The following AKAP13 variants were observed in gnomAD, a reference collection of about 807,000 sequenced individuals.
The protein encoded by AKAP13 is A-kinase anchor protein 13.
AKAP13 carries 80 observed loss-of-function variants against 264.5 expected under a neutral mutation model. That is an observed-to-expected ratio of 0.30 (90% CI 0.25 to 0.36). AKAP13 has a LOEUF of 0.36. Among genes scored for constraint, AKAP13 ranks in the 10% least tolerant of loss-of-function variants. The pLI is 1.00. For synonymous variants in AKAP13, 1,380 were observed against 1,250.2 expected, an observed-to-expected ratio of 1.10 and a Z score of -2.19; for missense variants, 3,712 against 3,435.2, an observed-to-expected ratio of 1.08 and a Z score of -2.01.
chr15:85,746,276 C>T lies in AKAP13; in HGVS notation c.*1599C>T, dbSNP rs1204210251. 1 of 152,484 alleles carries T rather than the reference C, an allele frequency of 6.6e-6. No homozygotes were observed. Among genetic ancestry groups the T allele is most frequent in the African/African-American group, 2.4e-5 (1 of 41,410 alleles). The allele number at this position is 152,484 out of a possible 1,614,324, so 9.4% of individuals were successfully genotyped here. A position where few individuals can be genotyped will look rare whatever the true frequency, so the allele number is the denominator to read the frequency against. ...GGTCTGGTTTAAAATTTGTAGCCTA[C>T]ATTTGTTTTATTTATTGTATTTGTG... On this transcript the variant is annotated 3_prime_UTR_variant, in exon 37 of 37. Transcript: ENST00000394518.
At chr15:85,637,860 C>G (rs1370801786) in intron 8 of AKAP13, among the ~76,000 whole-genome samples, 6 of 144,052 alleles carry the variant, frequency 4.2e-5, no homozygotes, top group Non-Finnish European at 7.6e-5. Flanking sequence ...CTTAATATTT[C>G]TACTTTCCCT....
intron 8 of AKAP13, among the ~76,000 whole-genome samples, chr15:85,631,168 C>T (rs35447727): frequency 0.2 from 30,819 of 152,110 alleles, 4,150 homozygotes; most frequent in Middle Eastern, 0.42. Flanking sequence ...TGAAAGAACC[C>T]AGCATGAAAG....
intron 4 of AKAP13, 39 bp from the exon 5 acceptor site, chr15:85,543,733 A>G (rs571857815): frequency 6.4e-7 from 1 of 1,554,368 alleles, no homozygotes; most frequent in Admixed American, 2.0e-5. Flanking sequence ...TTGTTTTTAT[A>G]TTTTCCTCAC....
intron 5 of AKAP13, among the ~76,000 whole-genome samples, chr15:85,546,226 T>G (rs373154781): frequency 2.0e-5 from 3 of 152,132 alleles, no homozygotes; most frequent in African/African-American, 4.8e-5. Flanking sequence ...ATGATGGATA[T>G]GTTACTTAGG....
In AKAP13 at chr15:85,610,869, C is replaced by T. The variant is rs193127747; in HGVS notation, c.4161+25046C>T. Among the ~76,000 whole-genome samples, 137 of 152,314 alleles carry T rather than the reference C, an allele frequency of 9.0e-4. 2 individuals are homozygous for T. Among genetic ancestry groups the T allele is most frequent in the African/African-American group, 2.5e-3 (105 of 41,574 alleles). ...TGGCAGGCGCTTGTAATCCCAGCTACTTGGGAGGCTGAGGCAGGAGAATCA... is the reference window on the plus strand; with the variant it reads ...TGGCAGGCGCTTGTAATCCCAGCTATTTGGGAGGCTGAGGCAGGAGAATCA... On this transcript the variant is annotated intron_variant, in intron 8 of 36. Transcript: ENST00000394518.
intron 1 of AKAP13, among the ~76,000 whole-genome samples, chr15:85,484,224 C>T (rs1427883838): frequency 2.6e-5 from 4 of 152,212 alleles, no homozygotes; most frequent in South Asian, 4.1e-4. Context: ...GCCTTTCAAT[C>T]TTTCATTTTC....
rs74360210 is a variant in AKAP13 at position 85,635,198 on chromosome 15, C to T, written c.4162-4176C>T. The T allele has an allele frequency of 2.6e-4, 105 of 397,614 alleles. 1 individual carries two copies. The highest frequency in any genetic ancestry group is 1.9e-3 in the African/African-American group (93 of 48,726). The allele number at this position is 397,614 out of a possible 1,614,324, so 24.6% of individuals were successfully genotyped here. On this transcript the variant is annotated intron_variant, in intron 8 of 36. Transcript: ENST00000394518. ...TTTCTTTCAGCAACAGTACTGTGTT[C>T]TAGTTGCTCCACATCTTTGCCAACA...
intron 8 of AKAP13, among the ~76,000 whole-genome samples, chr15:85,631,430 T>C (rs1307800894): frequency 6.6e-6 from 1 of 152,104 alleles, no homozygotes; most frequent in East Asian, 1.9e-4. Flanking sequence ...TTTTCTAGTA[T>C]GTGAATTACA....
At chr15:85,605,548 A>G (rs2080285935) in intron 8 of AKAP13, among the ~76,000 whole-genome samples, 1 of 152,156 alleles carries the variant, frequency 6.6e-6, no homozygotes, top group Admixed American at 6.5e-5. Context: ...GGGTTGATGG[A>G]TTGATAGGTG....
At chr15:85,740,502 A>C in intron 34 of AKAP13, 2 of 526,574 alleles carry the variant, frequency 3.8e-6, no homozygotes, top group Non-Finnish European at 3.4e-6. Context: ...TAACCATGCT[A>C]CAAATCACAT....
At chr15:85,523,193 C>T (rs896265081) in intron 3 of AKAP13, among the ~76,000 whole-genome samples, 1 of 151,986 alleles carries the variant, frequency 6.6e-6, no homozygotes, top group South Asian at 2.1e-4. Flanking sequence ...AAAGGAGATT[C>T]CTGACCGGAC....
At chr15:85,509,640 A>C (rs1596372019) in intron 2 of AKAP13, among the ~76,000 whole-genome samples, 1 of 152,212 alleles carries the variant, frequency 6.6e-6, no homozygotes, top group African/African-American at 2.4e-5. Context: ...TAAATTAGGC[A>C]GCACAAATGT....
chr15:85,462,006 C>G (rs1165901152), intron 1 of AKAP13, among the ~76,000 whole-genome samples: 3 of 152,174 alleles, frequency 2.0e-5, no homozygotes, highest in Non-Finnish European at 4.4e-5. Flanking sequence ...ATTCACTTAT[C>G]CTGCCTTAAT....
chr15:85,587,530 T>G (rs201140420), intron 8 of AKAP13, among the ~76,000 whole-genome samples: 1 of 152,260 alleles, frequency 6.6e-6, no homozygotes, highest in East Asian at 1.9e-4. Context: ...CATGTTTTTA[T>G]ATACCTAGTG....
In AKAP13 at chr15:85,744,818, G is replaced by A; in HGVS notation, c.*141G>A. 1 of 692,132 alleles carries A rather than the reference G, an allele frequency of 1.4e-6. No individual in the cohort carries two copies. Among genetic ancestry groups the A allele is most frequent in the Non-Finnish European group, 2.4e-6 (1 of 422,432 alleles). The allele number at this position is 692,132 out of a possible 1,614,324, so 42.9% of individuals were successfully genotyped here. On this transcript the variant is annotated 3_prime_UTR_variant, in exon 37 of 37. Transcript: ENST00000394518. ...TCCTCCTGGGCGGCCCCAGGTCCTGGACAATAAGCAACAGATGATATTGAG... is the reference window on the plus strand; with the variant it reads ...TCCTCCTGGGCGGCCCCAGGTCCTGAACAATAAGCAACAGATGATATTGAG...
chr15:85,541,338 T>C (rs182017343), intron 4 of AKAP13, among the ~76,000 whole-genome samples: 1 of 152,308 alleles, frequency 6.6e-6, no homozygotes, highest in East Asian at 1.9e-4. Flanking sequence ...TCGTTGGATA[T>C]ATATGTGATA....
chr15:85,604,739 C>T (rs760623966), intron 8 of AKAP13, among the ~76,000 whole-genome samples: 4 of 151,630 alleles, frequency 2.6e-5, no homozygotes, highest in African/African-American at 9.7e-5. Flanking sequence ...GCTGGGATTA[C>T]AGGCATGAAC....
intron 14 of AKAP13, among the ~76,000 whole-genome samples, chr15:85,673,932 C>A (rs764374350): frequency 3.3e-5 from 5 of 151,770 alleles, no homozygotes; most frequent in Non-Finnish European, 7.4e-5. Context: ...ACCTCATGAT[C>A]TGCCCACCTC....
chr15:85,461,974 G>A (rs907790377), intron 1 of AKAP13, among the ~76,000 whole-genome samples: 2 of 152,128 alleles, frequency 1.3e-5, no homozygotes, highest in African/African-American at 2.4e-5. Flanking sequence ...GCATTCCAGT[G>A]TAAATCTTAT....
Sources: allele counts gnomAD v4.1 joint callset (sites outside exome capture counted in the v4.1 genomes callset), GRCh38; gene constraint gnomAD v4.1.1; transcripts MANE v1.5; gene names NCBI Gene and HGNC (gene_info 2026-07-23, HGNC 2026-07-21).